The following XIRP2 variants were observed in gnomAD, a reference collection of about 807,000 sequenced individuals.
XIRP2 encodes the protein xin actin binding repeat containing 2, also known as xin actin-binding repeat-containing protein 2.
In XIRP2, 236 loss-of-function variants were observed where a neutral mutation model predicts 277.0. That is an observed-to-expected ratio of 0.85 (90% CI 0.77 to 0.95). XIRP2 has a LOEUF of 0.95. Among genes scored for constraint, XIRP2 ranks in the 40% least tolerant of loss-of-function variants. XIRP2 has a pLI of 0.00. For synonymous variants in XIRP2, 1,490 were observed against 1,416.5 expected (o/e 1.05, Z -1.17); for missense variants, 4,640 against 4,157.5 (o/e 1.12, Z -3.19).
At chr2:166,935,874 C>T (rs973302873) in intron 2 of XIRP2, among the ~76,000 whole-genome samples, 2 of 152,082 alleles carry the variant, frequency 1.3e-5, no homozygotes, top group East Asian at 1.9e-4. Context: ...AATAAACATA[C>T]GTGAGCATGT....
Position 167,201,208 on chromosome 2 carries a change from A to AAG in XIRP2, c.563-9525_563-9524dup, listed in dbSNP as rs1559018115. Among the ~76,000 whole-genome samples, 3 of 78,896 alleles carry AAG rather than the reference A, an allele frequency of 3.8e-5. No individual in the cohort carries two copies. In the Admixed American group the frequency reaches 3.8e-4, roughly 10 times the overall value. 51.8% of individuals were successfully genotyped at this position (78,896 alleles called of 152,430 possible). A position where few individuals can be genotyped will look rare whatever the true frequency, so the allele number is the denominator to read the frequency against. Reference sequence around the variant, plus strand: ...AGAGAGAGAAAGAAAGAAAGAAAGAAAGAAAGAAAGAAAGAAAGAAAGAAA... The same window carrying AAG: ...AGAGAGAGAAAGAAAGAAAGAAAGAAAGAGAAAGAAAGAAAGAAAGAAAGAAA... On this transcript the variant is annotated intron_variant, in intron 3 of 10. Coordinates refer to ENST00000409195, the MANE Select transcript of XIRP2 (RefSeq NM_152381.6).
At chr2:167,172,370 G>C (rs560535224) in intron 3 of XIRP2, among the ~76,000 whole-genome samples, 2 of 152,078 alleles carry the variant, frequency 1.3e-5, no homozygotes. Flanking sequence ...ATGAAGTTTC[G>C]GGCACGCATT....
At position 167,250,012 on chromosome 2, in the gene XIRP2, A is replaced by T. The variant is rs1695422939; in HGVS notation, c.8620A>T (p.Ile2874Leu). Residue 2874 changes from isoleucine (I) to leucine (L), a missense_variant, in exon 9 of 11, where the codon ATA becomes TTA. Coordinates refer to ENST00000409195, the MANE Select transcript of XIRP2 (RefSeq NM_152381.6). ...SQTQNFQQTQ[I>L]QTAESKAEHK... The stretch of plus-strand genomic sequence containing the variant: ...GACTCAGAATTTTCAGCAAACACAA[A>T]TACAGACCGCTGAAAGTAAAGCTGA... The T allele has an allele frequency of 6.2e-7, 1 of 1,613,622 alleles. No homozygotes were observed. The highest frequency in any genetic ancestry group is 8.5e-7 in the Non-Finnish European group (1 of 1,179,696).
At chr2:167,079,948 T>C (rs114526932) in intron 2 of XIRP2, among the ~76,000 whole-genome samples, 2,143 of 152,180 alleles carry the variant, frequency 0.014, 56 homozygotes, top group African/African-American at 0.05. Flanking sequence ...TTTTTGTTAT[T>C]GTTGTTTTTC....
chr2:167,110,828 G>A (rs765787708), intron 2 of XIRP2, among the ~76,000 whole-genome samples: 2 of 151,964 alleles, frequency 1.3e-5, no homozygotes, highest in South Asian at 4.2e-4. Flanking sequence ...CCATTTGTTT[G>A]TATCATTTCT....
At chr2:167,026,440 A>T (rs951311376) in intron 2 of XIRP2, among the ~76,000 whole-genome samples, 5 of 152,162 alleles carry the variant, frequency 3.3e-5, no homozygotes, top group African/African-American at 1.2e-4. Flanking sequence ...TAATTGGAGC[A>T]TTTATCCCAT....
chr2:166,929,822 T>A (rs974756332), intron 2 of XIRP2, among the ~76,000 whole-genome samples: 1 of 152,178 alleles, frequency 6.6e-6, no homozygotes, highest in African/African-American at 2.4e-5. Context: ...TAAGATGACT[T>A]CATCAGTTAT....
rs1436289536 is a variant in XIRP2, at chr2:167,144,704, A to C, written c.562+8642A>C. ...AAATCTTTTTATGTCATCACTTCAC[A>C]ATACTTCTGACTCATTGCTTAAATA... On this transcript the variant is annotated intron_variant, in intron 3 of 10. Transcript: ENST00000409195. Among the ~76,000 whole-genome samples the C allele has an allele frequency of 3.3e-5, 5 of 152,164 alleles. No individual in the cohort carries two copies. The South Asian group carries it at 8.3e-4, about 25-fold the overall frequency.
In XIRP2 at chr2:167,259,352, G is replaced by C. The variant is rs374023846; in HGVS notation, c.*1535G>C. 6 of 1,602,798 alleles carry C rather than the reference G, an allele frequency of 3.7e-6. No homozygotes were observed. The African/African-American group carries it at 8.1e-5, about 22-fold the overall frequency. ...GATTAAAAGAAACAGGTGCTACAGT[G>C]ACACTGAGTAAAATATCTATGGCCA... On this transcript the variant is annotated 3_prime_UTR_variant, in exon 11 of 11. Coordinates refer to ENST00000409195, the MANE Select transcript of XIRP2 (RefSeq NM_152381.6).
intron 2 of XIRP2, among the ~76,000 whole-genome samples, chr2:167,088,252 T>A (rs1206746319): frequency 1.3e-5 from 2 of 152,060 alleles, no homozygotes; most frequent in African/African-American, 4.8e-5. Flanking sequence ...AAGCAGGAAG[T>A]TTGTCAGTAA....
At position 167,249,056 on chromosome 2, in the gene XIRP2, A is replaced by G; in HGVS notation, c.7664A>G (p.Lys2555Arg). ...GCTGAAGAAAAATATAGACAACAAA[A>G]AGAAGAAATTGAAAAACAGAAACAG... ...MIAEEKYRQQ[K>R]EEIEKQKQES... Residue 2555 changes from lysine to arginine, a missense_variant, in exon 9 of 11, where the codon AAA (lysine) becomes AGA (arginine). Transcript: ENST00000409195. 1 of 1,611,754 alleles carries G rather than the reference A, an allele frequency of 6.2e-7. No homozygotes were observed. Among genetic ancestry groups the G allele is most frequent in the Admixed American group, 1.7e-5 (1 of 59,516 alleles).
chr2:166,971,122 A>G lies in XIRP2; in HGVS notation c.408+67232A>G, dbSNP rs111251712. 7.0e-4 allele frequency among the ~76,000 whole-genome samples: 107 copies of G among 152,164 alleles called. 2 individuals carry two copies. Among genetic ancestry groups the G allele is most frequent in the African/African-American group, 2.5e-3 (105 of 41,582 alleles). ...TTTCCACATTAGATGCTCTCTTAAG[A>G]GTAAAACTCATCTCTTAGCATTTAA... is the stretch of plus-strand genomic sequence containing the variant. On this transcript the variant is annotated intron_variant, in intron 2 of 10. Transcript: ENST00000409195.
intron 1 of XIRP2, among the ~76,000 whole-genome samples, chr2:166,895,151 C>T (rs944445165): frequency 2.6e-5 from 4 of 152,120 alleles, no homozygotes; most frequent in Non-Finnish European, 5.9e-5. Flanking sequence ...CAACTCCTAA[C>T]AAGGAAAAAT....
intron 3 of XIRP2, among the ~76,000 whole-genome samples, chr2:167,198,671 C>T (rs548167201): frequency 6.6e-6 from 1 of 152,276 alleles, no homozygotes; most frequent in Non-Finnish European, 1.5e-5. Context: ...GTTTGAGATA[C>T]TATTTTTCAA....
chr2:167,168,593 TTTC>T (rs1692589875), intron 3 of XIRP2, among the ~76,000 whole-genome samples: 1 of 152,172 alleles, frequency 6.6e-6, no homozygotes, highest in Non-Finnish European at 1.5e-5. Context: ...TTTTTGGTTT[TTTC>T]TTATTTTTTG....
intron 5 of XIRP2, among the ~76,000 whole-genome samples, chr2:167,225,895 A>G (rs1694583914): frequency 6.6e-6 from 1 of 152,190 alleles, no homozygotes; most frequent in Non-Finnish European, 1.5e-5. Flanking sequence ...TGAAAAGAAC[A>G]CAATAAGATT....
intron 2 of XIRP2, among the ~76,000 whole-genome samples, chr2:167,021,037 T>C (rs16852870): frequency 0.13 from 20,093 of 151,960 alleles, 1,874 homozygotes; most frequent in East Asian, 0.47. Context: ...TCTTCTAGAG[T>C]CTTGGTTCTC....
chr2:167,099,819 G>A (rs548212209), intron 2 of XIRP2, among the ~76,000 whole-genome samples: 2 of 152,042 alleles, frequency 1.3e-5, no homozygotes, highest in East Asian at 1.9e-4. Flanking sequence ...GCTTCTGCTC[G>A]CCCTCCGTGG....
intron 5 of XIRP2, among the ~76,000 whole-genome samples, chr2:167,221,762 G>A (rs1694439812): frequency 6.6e-6 from 1 of 152,086 alleles, no homozygotes; most frequent in Non-Finnish European, 1.5e-5. Context: ...CTTTGCTGTT[G>A]AAAGTCCTTG....
Sources: allele counts gnomAD v4.1 joint callset (sites outside exome capture counted in the v4.1 genomes callset), GRCh38; gene constraint gnomAD v4.1.1; transcripts MANE v1.5; gene names NCBI Gene and HGNC (gene_info 2026-07-23, HGNC 2026-07-21).